TTN: variants seen among roughly 807,000 people sequenced by gnomAD.
The protein encoded by TTN is connectin.
A neutral mutation model predicts 3,223.0 loss-of-function variants in TTN; 1,525 were observed. The observed-to-expected ratio is 0.47, with a 90% CI of 0.45 to 0.49. The LOEUF is 0.49. Among genes scored for constraint, TTN ranks in the 20% least tolerant of loss-of-function variants. The pLI, the probability that TTN is intolerant of heterozygous loss-of-function variation, is 0.00. For synonymous variants in TTN, 14,094 were observed against 15,161.0 expected, an observed-to-expected ratio of 0.93 and a Z score of 5.17; for missense variants, 40,786 against 43,424.0, an observed-to-expected ratio of 0.94 and a Z score of 5.40.
intron 98 of TTN, among the ~76,000 whole-genome samples, chr2:178,710,172 G>A (rs537841079): frequency 2.0e-5 from 3 of 152,324 alleles, no homozygotes; most frequent in Admixed American, 2.0e-4. Flanking sequence ...TAAGCTGGGT[G>A]TGGTGGCTCA....
Position 178,572,730 on chromosome 2 carries a change from C to A in TTN, c.73402G>T (p.Glu24468Ter). 1 of 1,613,464 alleles carries A rather than the reference C, an allele frequency of 6.2e-7. No homozygotes were observed. ...PEVKWARDHG[E>*]SLDKASIEST... The stretch of plus-strand genomic sequence containing the variant: ...TCGATGCTAGCTTTATCTAAAGATT[C>A]TCCATGGTCCCGGGCCCACTTCACC... Residue 24468 changes from glutamate (E) to a stop codon, truncating the protein, a stop_gained, in exon 326 of 363, where the codon GAA becomes TAA. Transcript: ENST00000589042. LOFTEE classifies it high-confidence loss of function.
chr2:178,697,069 G>A, intron 113 of TTN, 52 bp downstream of exon 113: 2 of 1,421,438 alleles, frequency 1.4e-6, no homozygotes, highest in Non-Finnish European at 1.9e-6. Context: ...ATAGTTAGCA[G>A]AAGTGCAAAT....
intron 47 of TTN, chr2:178,748,471 T>C: frequency 3.1e-6 from 5 of 1,613,034 alleles, no homozygotes; most frequent in Non-Finnish European, 4.2e-6. Context: ...CTTTATAATG[T>C]ATTTCCTGCT....
rs771358314 is a variant in TTN, at chr2:178,591,201, G to A, written c.60524C>T (p.Pro20175Leu). Residue 20175 changes from proline (P) to leucine (L), a missense_variant, in exon 304 of 363, where the codon CCA becomes CTA. Coordinates refer to ENST00000589042, the MANE Select transcript of TTN (RefSeq NM_001267550.2). The part of the protein sequence containing the change: ...HLTVLDVPGP[P>L]TGPINILDVT... ...ATCCAGAATATTAATAGGACCTGTT[G>A]GTGGCCCAGGAACATCAAGAACAGT... is the stretch of plus-strand genomic sequence containing the variant. The A allele has an allele frequency of 3.3e-5, 53 of 1,613,278 alleles. No individual in the cohort carries two copies. In the Middle Eastern group the frequency reaches 1.3e-3, roughly 40 times the overall value.
At chr2:178,802,021 T>G in intron 3 of TTN, 117 bp downstream of exon 3, 1 of 1,275,248 alleles carries the variant, frequency 7.8e-7, no homozygotes, top group Non-Finnish European at 1.1e-6. Flanking sequence ...CAGTAGACCC[T>G]TCTGTAGTTT....
In TTN at chr2:178,539,612, C is replaced by T. The variant is rs794729551; in HGVS notation, c.98453G>A (p.Arg32818Lys). The T allele has an allele frequency of 2.5e-6, 4 of 1,613,740 alleles. No homozygotes were observed. Among genetic ancestry groups the T allele is most frequent in the Non-Finnish European group, 3.4e-6 (4 of 1,179,802 alleles). The change falls in exon 352 of 363, where the codon AGA becomes AAA. Residue 32818 changes from arginine (R) to lysine (K), a missense_variant. Coordinates refer to ENST00000589042, the MANE Select transcript of TTN (RefSeq NM_001267550.2). ...AGCACCACCATCATCAGCAGGAGGT[C>T]TCCAGCTGACCCTCACAGAGCGGAC... ...IQVRSVRVSWRPPADDGGADI... is the reference protein window; with the variant it reads ...IQVRSVRVSWKPPADDGGADI...
rs749985986 is a variant in TTN at position 178,802,176 on chromosome 2, G to T, written c.257C>A (p.Ser86Tyr). Residue 86 changes from serine (S) to tyrosine (Y), a missense_variant, in exon 3 of 363, where the codon TCT becomes TAT. Coordinates refer to ENST00000589042, the MANE Select transcript of TTN (RefSeq NM_001267550.2). ...CTCAGCAGTACTAGTCGCTTGTCCA[G>T]ATCCATTGGTGGCTTTCAGGGAATA... is the stretch of plus-strand genomic sequence containing the variant. ...GRYSLKATNG[S>Y]GQATSTAELL... 1 of 1,614,046 alleles carries T rather than the reference G, an allele frequency of 6.2e-7. No homozygotes were observed. The highest frequency in any genetic ancestry group is 1.3e-5 in the African/African-American group (1 of 74,920).
chr2:178,681,199 A>T (rs371601814), intron 137 of TTN, 28 bp from the exon 138 acceptor site: 9 of 1,568,978 alleles, frequency 5.7e-6, no homozygotes, highest in Non-Finnish European at 7.8e-6. Context: ...ATTAAAGAGC[A>T]TTAAAACCAA....
At chr2:178,599,929 GT>G in intron 288 of TTN, 79 bp from the exon 289 acceptor site, 1 of 1,384,050 alleles carries the variant, frequency 7.2e-7, no homozygotes, top group Non-Finnish European at 9.6e-7. Flanking sequence ...TTACTATAAA[GT>G]TGTTTGGATC....
rs750814326 is a variant in TTN at position 178,604,792 on chromosome 2, A to C, written c.54297T>G (p.His18099Gln). 6.2e-7 allele frequency: 1 copy of C among 1,612,394 alleles called. No homozygotes were observed. Among genetic ancestry groups the C allele is most frequent in the South Asian group, 1.1e-5 (1 of 90,980 alleles). The change falls in exon 281 of 363, where the codon CAT becomes CAG. Residue 18099 changes from histidine (H) to glutamine (Q), a missense_variant. By Grantham distance (24) the His-to-Gln change is conservative. Coordinates refer to ENST00000589042, the MANE Select transcript of TTN (RefSeq NM_001267550.2). ...TTGCATCACGTTTGTCAATAACATA[A>C]TGGGTGATTTCACTGCCACCATTAT... ...PLDNGGSEIT[H>Q]YVIDKRDASR... is the part of the protein sequence containing the mutation.
Position 178,735,014 on chromosome 2 carries a change from AAGG to A in TTN, c.14936-29_14936-27del, listed in dbSNP as rs1376082051. On this transcript the variant is annotated intron_variant, in intron 50 of 362. Transcript: ENST00000589042. ...CTACATGAAGTTTACAAAAAAGAAAAAGGAGAAGATATCTGAAACATAAACTCC... is the reference window on the plus strand; with the variant it reads ...CTACATGAAGTTTACAAAAAAGAAAAAGAAGATATCTGAAACATAAACTCC... 6.6e-6 allele frequency: 10 copies of A among 1,507,936 alleles called. No individual in the cohort carries two copies. In the East Asian group the frequency reaches 1.5e-4, roughly 22 times the overall value. 93.4% of individuals were successfully genotyped at this position (1,507,936 alleles called of 1,614,324 possible).
intron 47 of TTN, chr2:178,752,135 T>C (rs1354510847): frequency 2.7e-6 from 3 of 1,111,134 alleles, no homozygotes; most frequent in African/African-American, 3.2e-5. Flanking sequence ...ATAAATTGCA[T>C]GCTACAGATC....
chr2:178,604,582 A>G, intron 281 of TTN, 126 bp downstream of exon 281: 1 of 1,097,882 alleles, frequency 9.1e-7, no homozygotes, highest in Non-Finnish European at 1.3e-6. Context: ...CACTACAATA[A>G]CAAAATAACA....
Position 178,631,162 on chromosome 2 carries a change from T to C in TTN, c.43886A>G (p.Lys14629Arg). Residue 14629 changes from lysine (K) to arginine (R), a missense_variant, in exon 237 of 363, where the codon AAA becomes AGA. Physicochemically the swap from Lys to Arg is conservative, Grantham distance 26. Transcript: ENST00000589042. Reference sequence around the variant, plus strand: ...GCCATCTGCCTTAATAACAGCATTTTTGGATGGCTTTATTTCCTTCCCATC... The same window carrying C: ...GCCATCTGCCTTAATAACAGCATTTCTGGATGGCTTTATTTCCTTCCCATC... ...FKDGKEIKPS[K>R]NAVIKADGKK... 1 of 1,613,390 alleles carries C rather than the reference T, an allele frequency of 6.2e-7. No homozygotes were observed. The highest frequency in any genetic ancestry group is 8.5e-7 in the Non-Finnish European group (1 of 1,179,602).
rs756499458 is a variant in TTN, at chr2:178,560,639, C to T, written c.85493G>A (p.Trp28498Ter). 2 of 1,613,582 alleles carry T rather than the reference C, an allele frequency of 1.2e-6. No homozygotes were observed. Among genetic ancestry groups the T allele is most frequent in the Admixed American group, 3.3e-5 (2 of 60,002 alleles). Residue 28498 changes from tryptophan (W) to a stop codon, truncating the protein, a stop_gained, in exon 326 of 363, where the codon TGG becomes TAG. Coordinates refer to ENST00000589042, the MANE Select transcript of TTN (RefSeq NM_001267550.2). LOFTEE classifies it high-confidence loss of function. The part of the protein sequence containing the change: ...VEKRETSHLA[W>*]TICEGELQMT... Reference sequence around the variant, plus strand: ...CTGTAACTCTCCTTCACATATTGTCCATGCAAGGTGGCTTGTTTCACGTTT... The same window carrying T: ...CTGTAACTCTCCTTCACATATTGTCTATGCAAGGTGGCTTGTTTCACGTTT...
chr2:178,674,993 A>G, intron 150 of TTN, 46 bp downstream of exon 150: 1 of 1,196,984 alleles, frequency 8.4e-7, no homozygotes, highest in Non-Finnish European at 1.2e-6. Flanking sequence ...GACAATAATA[A>G]GACAAGGATG....
Position 178,533,746 on chromosome 2 carries a change from G to C in TTN, c.102869C>G (p.Thr34290Arg). ...GATTTTCTGACCTGATTTATACCATGTTACATGAGGCTCTGGGTGGACAGT... is the reference window on the plus strand; with the variant it reads ...GATTTTCTGACCTGATTTATACCATCTTACATGAGGCTCTGGGTGGACAGT... Reference protein sequence around the residue: ...TITVHPEPHVTWYKSGQKIKP... With the variant: ...TITVHPEPHVRWYKSGQKIKP... The change falls in exon 358 of 363, where the codon ACA (threonine) becomes AGA (arginine). Residue 34290 changes from threonine (T) to arginine (R), a missense_variant. Coordinates refer to ENST00000589042, the MANE Select transcript of TTN (RefSeq NM_001267550.2). The C allele has an allele frequency of 6.2e-7, 1 of 1,613,930 alleles. No individual in the cohort carries two copies. Among genetic ancestry groups the C allele is most frequent in the Non-Finnish European group, 8.5e-7 (1 of 1,179,868 alleles).
Position 178,764,539 on chromosome 2 carries a change from G to A in TTN, c.9976C>T (p.Leu3326Phe). ...GAGGCATTCCTACCTTCCACTGAGA[G>A]TGAAGCTGATGTTGTGGCAACACCA... is the stretch of plus-strand genomic sequence containing the variant. ...DYGVATTSAS[L>F]SVEVPEVVSP... Residue 3326 changes from leucine (L) to phenylalanine (F), a missense_variant, in exon 42 of 363, where the codon CTC (leucine) becomes TTC (phenylalanine). Coordinates refer to ENST00000589042, the MANE Select transcript of TTN (RefSeq NM_001267550.2). 6.2e-7 allele frequency: 1 copy of A among 1,614,130 alleles called. No individual in the cohort carries two copies. The highest frequency in any genetic ancestry group is 1.1e-5 in the South Asian group (1 of 91,084).
chr2:178,611,163 T>A lies in TTN; in HGVS notation c.50966A>T (p.His16989Leu), dbSNP rs2056241727. The A allele has an allele frequency of 6.2e-7, 1 of 1,612,710 alleles. No homozygotes were observed. Among genetic ancestry groups the A allele is most frequent in the South Asian group, 1.1e-5 (1 of 91,062 alleles). Residue 16989 changes from histidine to leucine, a missense_variant, in exon 270 of 363, where the codon CAT becomes CTT. Transcript: ENST00000589042. ...RAVPVPTVSW[H>L]KDGKEVKASD... ...TGCTTTAACTTCTTTGCCATCTTTA[T>A]GCCAACTAACAGTTGGAACTGGGAC...
Sources: gnomAD v4.1 joint callset for allele counts (sites outside exome capture counted in the v4.1 genomes callset) on GRCh38, gnomAD v4.1.1 for gene constraint, MANE v1.5 for transcripts, NCBI Gene and HGNC (gene_info 2026-07-23, HGNC 2026-07-21) for gene names.